Variants in SEC22C observed in about 807,000 individuals in gnomAD.
The protein encoded by SEC22C is vesicle-trafficking protein SEC22c.
Under a neutral mutation model 34.7 loss-of-function variants are expected in SEC22C, and 29 were observed. The observed-to-expected ratio is 0.84, with a 90% CI of 0.62 to 1.14. The LOEUF (loss-of-function observed/expected upper bound fraction) is 1.14, where lower values mean the gene tolerates loss of function less well. Ranked by LOEUF, SEC22C falls within the 50% of genes most tolerant of loss-of-function variation. The pLI, the probability that SEC22C is intolerant of heterozygous loss-of-function variation, is 0.00. For missense variants in SEC22C, 337 were observed against 369.0 expected (o/e 0.91, Z 0.71); for synonymous variants, 117 against 132.8 (o/e 0.88, Z 0.82).
At chr3:42,567,269 T>C (rs6797491) in intron 2 of SEC22C, among the ~76,000 whole-genome samples, 20,893 of 152,194 alleles carry the variant, frequency 0.14, 1,830 homozygotes, top group African/African-American at 0.24. Flanking sequence ...ACTTGCTAAG[T>C]AAAGGTCTAA....
chr3:42,577,405 T>A (rs1475187317), intron 1 of SEC22C, among the ~76,000 whole-genome samples: 1 of 152,128 alleles, frequency 6.6e-6, no homozygotes, highest in Non-Finnish European at 1.5e-5. Flanking sequence ...AAAGAACTCT[T>A]GAAATTCAAC....
In SEC22C at chr3:42,548,957, G is replaced by A. The variant is rs1440655247; in HGVS notation, c.*4291C>T. On this transcript the variant is annotated 3_prime_UTR_variant, in exon 7 of 7. Coordinates refer to ENST00000264454, the MANE Select transcript of SEC22C (RefSeq NM_032970.4). The stretch of plus-strand genomic sequence containing the variant: ...GACCCTCATAACAGCACCCTGGCGG[G>A]GGGGCAGATTGATGTTATCACCATT... 2 of 1,168,762 alleles carry A rather than the reference G, an allele frequency of 1.7e-6. No homozygotes were observed. Among genetic ancestry groups the A allele is most frequent in the East Asian group, 4.1e-5 (1 of 24,316 alleles). 72.4% of individuals were successfully genotyped at this position (1,168,762 alleles called of 1,614,324 possible).
intron 2 of SEC22C, among the ~76,000 whole-genome samples, chr3:42,567,612 C>G (rs1369682049): frequency 6.6e-6 from 1 of 152,138 alleles, no homozygotes; most frequent in Non-Finnish European, 1.5e-5. Flanking sequence ...TTATTGTAAC[C>G]AGGATTATTG....
exon 1 of SEC22C, chr3:42,601,073 GA>G: frequency 6.4e-7 from 1 of 1,562,970 alleles, no homozygotes; most frequent in Non-Finnish European, 8.6e-7. Flanking sequence ...GGGTGAGCTG[GA>G]AACTGGGGAG....
At position 42,549,415 on chromosome 3, in the gene SEC22C, T is replaced by C. The variant is rs1380634064; in HGVS notation, c.*3833A>G. 6.1e-6 allele frequency: 6 copies of C among 985,518 alleles called. No individual in the cohort carries two copies. The highest frequency in any genetic ancestry group is 3.5e-5 in the African/African-American group (2 of 57,246). 61.0% of individuals were successfully genotyped at this position (985,518 alleles called of 1,614,324 possible). ...TACAAGGTGCAGTGTGCAACCCCCA[T>C]ATGCCAAGGGGCAGCTGCTATCTTC... On this transcript the variant is annotated 3_prime_UTR_variant, in exon 7 of 7. Transcript: ENST00000264454.
rs1702115729 is a variant in SEC22C, at chr3:42,548,900, C to T, written c.*4348G>A. ...CCTTTCTCCTCCCACACACAATGGA[C>T]TCACCCAGTATTACCCTCCACTACC... On this transcript the variant is annotated 3_prime_UTR_variant, in exon 7 of 7. Transcript: ENST00000264454. 1 of 1,352,096 alleles carries T rather than the reference C, an allele frequency of 7.4e-7. No individual in the cohort carries two copies. Among genetic ancestry groups the T allele is most frequent in the South Asian group, 1.8e-5 (1 of 54,308 alleles). 83.8% of individuals were successfully genotyped at this position (1,352,096 alleles called of 1,614,324 possible). A position where few individuals can be genotyped will look rare whatever the true frequency, so the allele number is the denominator to read the frequency against.
At chr3:42,577,671 T>A (rs1365452609) in intron 1 of SEC22C, among the ~76,000 whole-genome samples, 1 of 152,140 alleles carries the variant, frequency 6.6e-6, no homozygotes, top group East Asian at 1.9e-4. Flanking sequence ...TAAAATGGTA[T>A]ACTCTAGAAA....
intron 3 of SEC22C, among the ~76,000 whole-genome samples, chr3:42,561,761 T>C (rs1473869634): frequency 6.6e-6 from 1 of 152,170 alleles, no homozygotes; most frequent in Non-Finnish European, 1.5e-5. Flanking sequence ...AAAGGCCAAA[T>C]GATTGCTAAT....
intron 3 of SEC22C, among the ~76,000 whole-genome samples, chr3:42,561,624 AGGGATTCTCCT>A (rs1293684247): frequency 1.4e-4 from 21 of 152,220 alleles, no homozygotes; most frequent in African/African-American, 5.1e-4. Flanking sequence ...CCTGAGCTCA[AGGGATTCTCCT>A]GCCTCAGCCT....
rs1417939102 is a variant in SEC22C, at chr3:42,556,001, A to C, written c.646-6T>G. On this transcript the variant is annotated splice_polypyrimidine_tract_variant and splice_region_variant and intron_variant, in intron 5 of 6. Coordinates refer to ENST00000264454, the MANE Select transcript of SEC22C (RefSeq NM_032970.4). ...CCAATTTCCTCATGGGCAACCTAAA[A>C]CAAATACAAGGAACACAAGGAAAGG... 1 of 1,610,340 alleles carries C rather than the reference A, an allele frequency of 6.2e-7. No homozygotes were observed. The highest frequency in any genetic ancestry group is 8.5e-7 in the Non-Finnish European group (1 of 1,177,038).
chr3:42,598,326 A>AT (rs1417431695), intron 1 of SEC22C, among the ~76,000 whole-genome samples: 1,921 of 140,830 alleles, frequency 0.014, 12 homozygotes, highest in East Asian at 0.039. Flanking sequence ...AAAAGAACAA[A>AT]TTTTTTTTTT....
intron 1 of SEC22C, among the ~76,000 whole-genome samples, chr3:42,571,114 T>C (rs1235685474): frequency 1.3e-5 from 2 of 152,204 alleles, no homozygotes; most frequent in Non-Finnish European, 2.9e-5. Context: ...GTTCTGTCTT[T>C]ATGGAGCATC....
At chr3:42,554,905 T>A (rs1037506706) in intron 6 of SEC22C, among the ~76,000 whole-genome samples, 2 of 151,986 alleles carry the variant, frequency 1.3e-5, no homozygotes, top group African/African-American at 4.8e-5. Flanking sequence ...ATCAAAACCC[T>A]CTAGTTAATG....
intron 1 of SEC22C, chr3:42,590,983 G>A (rs1217773415): frequency 2.0e-6 from 3 of 1,538,120 alleles, no homozygotes; most frequent in Non-Finnish European, 1.7e-6. Context: ...ATCCACGCGG[G>A]CGGGCGGGCG....
chr3:42,594,264 A>G (rs1486858633), intron 1 of SEC22C, among the ~76,000 whole-genome samples: 1 of 152,228 alleles, frequency 6.6e-6, no homozygotes, highest in Non-Finnish European at 1.5e-5. Context: ...GAATCTGACT[A>G]TATTTTCCTT....
intron 2 of SEC22C, among the ~76,000 whole-genome samples, chr3:42,567,148 C>T (rs547724775): frequency 2.6e-5 from 4 of 152,242 alleles, no homozygotes; most frequent in South Asian, 4.1e-4. Flanking sequence ...GCGATCTTCC[C>T]GCCTCAGCCT....
intron 4 of SEC22C, among the ~76,000 whole-genome samples, 161 bp from the exon 5 acceptor site, chr3:42,557,857 A>G (rs1297897691): frequency 6.6e-6 from 1 of 152,270 alleles, no homozygotes; most frequent in Non-Finnish European, 1.5e-5. Flanking sequence ...TTAGAGGGAA[A>G]AAAGCCAAGA....
upstream of SEC22C, among the ~76,000 whole-genome samples, chr3:42,586,755 A>G (rs550775562): frequency 3.9e-5 from 6 of 152,266 alleles, no homozygotes; most frequent in Non-Finnish European, 8.8e-5. Context: ...GTCAGTTTCT[A>G]CAAGTGATGT....
chr3:42,549,889 A>G lies in SEC22C; in HGVS notation c.*3359T>C. On this transcript the variant is annotated 3_prime_UTR_variant, in exon 7 of 7. Coordinates refer to ENST00000264454, the MANE Select transcript of SEC22C (RefSeq NM_032970.4). ...AAGAGGGATGCAAGCCCAAAAAGCA[A>G]AAGCAGGAGCTTATGGTCACATGCC... 3.0e-6 allele frequency: 3 copies of G among 985,434 alleles called. No individual in the cohort carries two copies. Among genetic ancestry groups the G allele is most frequent in the Non-Finnish European group, 3.6e-6 (3 of 829,928 alleles). 61.0% of individuals were successfully genotyped at this position (985,434 alleles called of 1,614,324 possible).
Sources: gnomAD v4.1 joint callset for allele counts (sites outside exome capture counted in the v4.1 genomes callset) on GRCh38, gnomAD v4.1.1 for gene constraint, MANE v1.5 for transcripts, NCBI Gene and HGNC (gene_info 2026-07-23, HGNC 2026-07-21) for gene names.